Variants in CTNNA2 observed in about 807,000 individuals in gnomAD.
CTNNA2 encodes catenin alpha 2.
A neutral mutation model predicts 101.0 loss-of-function variants in CTNNA2; 42 were observed. The observed-to-expected ratio is 0.42, with a 90% CI of 0.32 to 0.54. CTNNA2 has a LOEUF of 0.54. Among genes scored for constraint, CTNNA2 ranks in the 20% least tolerant of loss-of-function variants. The pLI is 0.14. For synonymous variants in CTNNA2, 450 were observed against 456.4 expected (o/e 0.99, Z 0.18); for missense variants, 871 against 1,223.1 (o/e 0.71, Z 4.29).
intron 6 of CTNNA2, among the ~76,000 whole-genome samples, chr2:79,898,283 G>A (rs578223668): frequency 2.1e-3 from 316 of 152,000 alleles, no homozygotes; most frequent in African/African-American, 7.2e-3. Flanking sequence ...ATAGGTGCCC[G>A]CCACCATGCC....
intron 9 of CTNNA2, among the ~76,000 whole-genome samples, chr2:80,434,617 G>C (rs1681867356): frequency 6.6e-6 from 1 of 151,006 alleles, no homozygotes; most frequent in South Asian, 2.1e-4. Flanking sequence ...CTGGGTAGCT[G>C]GGACTGCATG....
rs1676375521 is a variant in CTNNA2 at position 80,302,102 on chromosome 2, A to C, written c.1057-91109A>C. ...GTTTTTAAGACACAATAAAGCTAAA[A>C]TGTCAAGTCTCTGGGAGAGATCCCC... On this transcript the variant is annotated intron_variant, in intron 7 of 18. Transcript: ENST00000402739. The surrounding 1 kb of genome is among the most constrained non-coding windows in gnomAD (Gnocchi z 6.4). 1 of 1,071,826 alleles carries C rather than the reference A, an allele frequency of 9.3e-7. No homozygotes were observed. Among genetic ancestry groups the C allele is most frequent in the Non-Finnish European group, 1.3e-6 (1 of 773,408 alleles). The allele number at this position is 1,071,826 out of a possible 1,614,324, so 66.4% of individuals were successfully genotyped here.
chr2:79,459,856 A>T (rs1160574418), intron 4 of CTNNA2, among the ~76,000 whole-genome samples: 1 of 152,000 alleles, frequency 6.6e-6, no homozygotes, highest in African/African-American at 2.4e-5. Context: ...TGTTCATTCA[A>T]CTCTTACGTT....
intron 1 of CTNNA2, among the ~76,000 whole-genome samples, chr2:79,549,469 G>C (rs747337032): frequency 3.3e-5 from 5 of 152,172 alleles, no homozygotes; most frequent in Non-Finnish European, 5.9e-5. Flanking sequence ...TCAGAGTTCA[G>C]TATGACAAAA....
intron 2 of CTNNA2, among the ~76,000 whole-genome samples, chr2:79,238,103 C>T (rs528537291): frequency 6.6e-6 from 1 of 152,250 alleles, no homozygotes; most frequent in Admixed American, 6.5e-5. Context: ...TCATTTTTAG[C>T]TTTTGATTTA....
At chr2:79,540,950 A>C (rs1398253356) in intron 1 of CTNNA2, among the ~76,000 whole-genome samples, 1 of 152,090 alleles carries the variant, frequency 6.6e-6, no homozygotes, top group Admixed American at 6.6e-5. Flanking sequence ...TAGCTATCGG[A>C]TTGGTGTGAT....
intron 4 of CTNNA2, among the ~76,000 whole-genome samples, chr2:79,421,211 C>G (rs1239576519): frequency 6.6e-6 from 1 of 152,002 alleles, no homozygotes; most frequent in African/African-American, 2.4e-5. Context: ...ATAAAGTGTT[C>G]CTAGATGCAG....
rs183346984 is a variant in CTNNA2, at chr2:80,145,280, T to C, written c.1056+235483T>C. Among the ~76,000 whole-genome samples the C allele has an allele frequency of 6.8e-4, 104 of 152,136 alleles. 1 individual carries two copies. In the East Asian group the frequency reaches 0.018, roughly 26 times the overall value. On this transcript the variant is annotated intron_variant, in intron 7 of 18. Transcript: ENST00000402739. ...GGCATTTTCTGGGTTGAATTCTCCC[T>C]GGAAGGGTCCTCTTATCTACACTCA...
At chr2:79,317,965 G>A (rs550830516) in intron 3 of CTNNA2, among the ~76,000 whole-genome samples, 79 of 152,068 alleles carry the variant, frequency 5.2e-4, no homozygotes, top group Admixed American at 1.4e-3. Context: ...TTACAAACAA[G>A]ATTAGAGTAA....
intron 2 of CTNNA2, among the ~76,000 whole-genome samples, chr2:79,299,232 A>G (rs561195470): frequency 9.9e-5 from 15 of 152,222 alleles, no homozygotes; most frequent in Admixed American, 2.0e-4. Flanking sequence ...CAGCTCTCAG[A>G]GTCTTGCTAT....
At chr2:80,090,133 A>ACT (rs374555744) in intron 7 of CTNNA2, among the ~76,000 whole-genome samples, 2,122 of 99,902 alleles carry the variant, frequency 0.021, 47 homozygotes, top group African/African-American at 0.065. Flanking sequence ...AGGAAGTTTC[A>ACT]CTCTCTCTCT....
intron 1 of CTNNA2, among the ~76,000 whole-genome samples, chr2:79,636,000 G>C (rs1326390906): frequency 2.7e-5 from 4 of 150,316 alleles, no homozygotes; most frequent in African/African-American, 9.8e-5. Flanking sequence ...GGTGGCTCAC[G>C]CCTGTCATCC....
At chr2:79,922,371 C>T (rs1686723804) in intron 7 of CTNNA2, among the ~76,000 whole-genome samples, 1 of 152,206 alleles carries the variant, frequency 6.6e-6, no homozygotes, top group Middle Eastern at 3.4e-3. Flanking sequence ...AGGGATCAGT[C>T]CTGTGATCTG....
At chr2:80,387,219 G>A (rs556197223) in intron 7 of CTNNA2, among the ~76,000 whole-genome samples, 16 of 152,258 alleles carry the variant, frequency 1.1e-4, no homozygotes, top group African/African-American at 3.9e-4. Flanking sequence ...AACCCGGGAG[G>A]CGGAGCTTGC....
intron 9 of CTNNA2, among the ~76,000 whole-genome samples, chr2:80,531,439 A>G (rs1690533124): frequency 6.6e-6 from 1 of 152,238 alleles, no homozygotes; most frequent in African/African-American, 2.4e-5. Context: ...GAAAGGCTGC[A>G]CAATTGGCCT....
chr2:80,274,196 A>G (rs981654540), intron 7 of CTNNA2, among the ~76,000 whole-genome samples: 5 of 152,168 alleles, frequency 3.3e-5, no homozygotes, highest in African/African-American at 1.2e-4. Context: ...GGCCGAGACA[A>G]TAGGGAACAG....
At chr2:79,873,017 C>CA (rs1315048164) in intron 5 of CTNNA2, among the ~76,000 whole-genome samples, 1 of 152,160 alleles carries the variant, frequency 6.6e-6, no homozygotes, top group Non-Finnish European at 1.5e-5. Flanking sequence ...ACTAGGAAAA[C>CA]AAATCATCTT....
intron 4 of CTNNA2, among the ~76,000 whole-genome samples, chr2:79,376,339 C>A (rs1677974332): frequency 6.6e-6 from 1 of 152,086 alleles, no homozygotes; most frequent in Non-Finnish European, 1.5e-5. Context: ...CAGTTCTAAG[C>A]CCCATGTGGT....
intron 18 of CTNNA2, among the ~76,000 whole-genome samples, chr2:80,625,977 T>A (rs1474737091): frequency 6.6e-6 from 1 of 152,040 alleles, no homozygotes; most frequent in Non-Finnish European, 1.5e-5. Context: ...CCTACAGAAT[T>A]TTTTCCCAAA....
Sources: gnomAD v4.1 joint callset for allele counts (sites outside exome capture counted in the v4.1 genomes callset) on GRCh38, gnomAD v4.1.1 for gene constraint, Gnocchi (gnomAD v3.1) non-coding constraint, MANE v1.5 for transcripts, NCBI Gene and HGNC (gene_info 2026-07-23, HGNC 2026-07-21) for gene names.